The following GFM1 variants were observed in gnomAD, a reference collection of about 807,000 sequenced individuals.
GFM1 encodes the protein G elongation factor mitochondrial 1, also known as elongation factor G, mitochondrial.
A neutral mutation model predicts 96.2 loss-of-function variants in GFM1; 62 were observed. The ratio of observed to expected loss-of-function variants is 0.64; its 90% confidence interval spans 0.53 to 0.80. The LOEUF (loss-of-function observed/expected upper bound fraction) is 0.80. Among genes scored for constraint, GFM1 ranks in the 30% least tolerant of loss-of-function variants. The pLI is 0.00. For missense variants in GFM1, 852 were observed against 916.6 expected, an observed-to-expected ratio of 0.93 and a Z score of 0.91; for synonymous variants, 282 against 312.9, an observed-to-expected ratio of 0.90 and a Z score of 1.04.
intron 10 of GFM1, among the ~76,000 whole-genome samples, chr3:158,661,683 A>C (rs1723209958): frequency 6.6e-6 from 1 of 152,182 alleles, no homozygotes; most frequent in Non-Finnish European, 1.5e-5. Context: ...TGTTTATGAG[A>C]GTGATCTCTT....
At chr3:158,670,899 C>T in intron 13 of GFM1, 15 of 1,419,222 alleles carry the variant, frequency 1.1e-5, no homozygotes, top group Non-Finnish European at 1.4e-5. Context: ...TGCCACTGCA[C>T]TTCAGCCTGG....
intron 5 of GFM1, chr3:158,650,270 T>C (rs1227011494): frequency 1.7e-6 from 1 of 572,428 alleles, no homozygotes; most frequent in Non-Finnish European, 3.1e-6. Context: ...TTTTCCTACT[T>C]TATTCACTGC....
intron 15 of GFM1, among the ~76,000 whole-genome samples, chr3:158,689,660 C>T (rs141516082): frequency 2.5e-3 from 379 of 150,512 alleles, no homozygotes; most frequent in Admixed American, 5.3e-3. Flanking sequence ...CCCAGCTACT[C>T]GGAGGCTGAG....
rs879213259 is a variant in GFM1, at chr3:158,646,371, A to G, written c.367+74A>G. ...TTGGTTCTTTCTCTTACTGTGACCC[A>G]ATTAGTTTTTGATTGTCAAATACTC... is the stretch of plus-strand genomic sequence containing the variant. On this transcript the variant is annotated intron_variant, in intron 3 of 17. Transcript: ENST00000486715. 2.6e-5 allele frequency: 39 copies of G among 1,514,554 alleles called. 2 individuals carry two copies. Among genetic ancestry groups the G allele is most frequent in the South Asian group, 2.1e-4 (18 of 87,734 alleles). 93.8% of individuals were successfully genotyped at this position (1,514,554 alleles called of 1,614,324 possible).
chr3:158,676,881 G>A (rs1305948464), intron 13 of GFM1, among the ~76,000 whole-genome samples: 1 of 151,894 alleles, frequency 6.6e-6, no homozygotes, highest in African/African-American at 2.4e-5. Flanking sequence ...TGTATTTTTA[G>A]TAGAGACAGG....
In GFM1 at chr3:158,646,869, A is replaced by T. The variant is rs764479679; in HGVS notation, c.494A>T (p.Tyr165Phe). The stretch of plus-strand genomic sequence containing the variant: ...ACTGTCAATCGTCAGATGAAGCGCT[A>T]CAACGTTCCGTTTCTAACTTTTATT... Reference protein sequence around the residue: ...TMTVNRQMKRYNVPFLTFINK... With the variant: ...TMTVNRQMKRFNVPFLTFINK... Residue 165 changes from tyrosine to phenylalanine, a missense_variant, in exon 4 of 18, where the codon TAC becomes TTC. Physicochemically the swap from Tyr to Phe is conservative, Grantham distance 22. Coordinates refer to ENST00000486715, the MANE Select transcript of GFM1 (RefSeq NM_024996.7). 5 of 1,614,030 alleles carry T rather than the reference A, an allele frequency of 3.1e-6. No homozygotes were observed. The highest frequency in any genetic ancestry group is 4.2e-6 in the Non-Finnish European group (5 of 1,180,026).
intron 3 of GFM1, 78 bp downstream of exon 3, chr3:158,646,375 A>G: frequency 6.8e-7 from 1 of 1,464,184 alleles, no homozygotes; most frequent in Non-Finnish European, 9.5e-7. Flanking sequence ...TGACCCAATT[A>G]GTTTTTGATT....
Position 158,664,443 on chromosome 3 carries a change from C to A in GFM1, c.1381-894C>A, listed in dbSNP as rs959556133. 3.9e-5 allele frequency among the ~76,000 whole-genome samples: 6 copies of A among 152,310 alleles called. No homozygotes were observed. The South Asian group carries it at 6.2e-4, about 16-fold the overall frequency. On this transcript the variant is annotated intron_variant, in intron 11 of 17. Coordinates refer to ENST00000486715, the MANE Select transcript of GFM1 (RefSeq NM_024996.7). ...CTTGTGGTTGTAGGATGGGGGTTCC[C>A]CATTTCTTTGAAGACTGTTACCTGA...
chr3:158,659,623 T>G (rs1723033024), intron 9 of GFM1, among the ~76,000 whole-genome samples: 1 of 152,144 alleles, frequency 6.6e-6, no homozygotes, highest in Admixed American at 6.5e-5. Flanking sequence ...ACGCCTTGAA[T>G]TCTTGAGCTG....
chr3:158,672,294 G>A, intron 13 of GFM1: 1 of 1,601,798 alleles, frequency 6.2e-7, no homozygotes, highest in Non-Finnish European at 8.5e-7. Flanking sequence ...CCGCGGGTGA[G>A]TGGAGGGAGC....
chr3:158,670,917 A>G lies in GFM1; in HGVS notation c.1601+4531A>G, dbSNP rs141445217. 1,079 of 1,477,398 alleles carry G rather than the reference A, an allele frequency of 7.3e-4. 12 individuals carry two copies. In the African/African-American group the frequency reaches 0.013, roughly 18 times the overall value. The allele number at this position is 1,477,398 out of a possible 1,614,324, so 91.5% of individuals were successfully genotyped here. A position where few individuals can be genotyped will look rare whatever the true frequency, so the allele number is the denominator to read the frequency against. On this transcript the variant is annotated intron_variant, in intron 13 of 17. Transcript: ENST00000486715. Reference sequence around the variant, plus strand: ...CACTGCACTTCAGCCTGGGTGATAGAGTGAGACCCTGTCTCAAAGAAAAAA... The same window carrying G: ...CACTGCACTTCAGCCTGGGTGATAGGGTGAGACCCTGTCTCAAAGAAAAAA...
rs1725427734 is a variant in GFM1 at position 158,682,046 on chromosome 3, A to G, written c.1653A>G (p.Lys551=). 1 of 1,613,616 alleles carries G rather than the reference A, an allele frequency of 6.2e-7. No individual in the cohort carries two copies. Among genetic ancestry groups the G allele is most frequent in the African/African-American group, 1.3e-5 (1 of 74,916 alleles). Residue 551 remains lysine, a synonymous_variant, in exon 14 of 18, where the codon AAA becomes AAG. Transcript: ENST00000486715. ...KQSGGAGQYG[K]VIGVLEPLDP... ...CAGGTGGTGCAGGCCAGTATGGAAA[A>G]GTAATAGGTGTCCTGGAGCCTCTGG...
Position 158,646,291 on chromosome 3 carries a change from ACTCC to A in GFM1, c.362_365del (p.Thr121MetfsTer8), listed in dbSNP as rs1721797018. 6.8e-6 allele frequency: 11 copies of A among 1,613,792 alleles called. No homozygotes were observed. The highest frequency in any genetic ancestry group is 1.3e-5 in the African/African-American group (1 of 74,832). ...AGATGTCAATATTAACATTATAGAT[ACTCC>A]TGGTGAGTTGGATTCTTGGTTTTAT... On this transcript the variant is annotated frameshift_variant and splice_region_variant, in exon 3 of 18. Transcript: ENST00000486715. LOFTEE classifies it high-confidence loss of function.
At chr3:158,684,378 A>G in intron 14 of GFM1, 146 bp from the exon 15 acceptor site, 1 of 766,980 alleles carries the variant, frequency 1.3e-6, no homozygotes, top group Non-Finnish European at 2.1e-6. Flanking sequence ...TAAAGTTGTT[A>G]AACATTTTTA....
chr3:158,660,842 C>A, intron 9 of GFM1, 32 bp from the exon 10 acceptor site: 1 of 1,558,394 alleles, frequency 6.4e-7, no homozygotes, highest in Non-Finnish European at 8.9e-7. Flanking sequence ...GTATTACTTG[C>A]AAATATAATT....
intron 13 of GFM1, among the ~76,000 whole-genome samples, chr3:158,678,434 A>G (rs181597887): frequency 1.2e-4 from 19 of 152,342 alleles, no homozygotes; most frequent in Middle Eastern, 3.4e-3. Flanking sequence ...GGAGGTCAAA[A>G]TAACATTACC....
In GFM1 at chr3:158,695,112, G is replaced by A. The variant is rs576377123; in HGVS notation, c.*3645G>A. ...TCTGAGGCCGGATGTGGTGGCTCAC[G>A]CCTGTAATTCCAGCACTTTGGGAGG... On this transcript the variant is annotated 3_prime_UTR_variant, in exon 18 of 18. Coordinates refer to ENST00000486715, the MANE Select transcript of GFM1 (RefSeq NM_024996.7). Among the ~76,000 whole-genome samples the A allele has an allele frequency of 8.5e-5, 13 of 152,324 alleles. 1 individual carries two copies. In the South Asian group the frequency reaches 2.7e-3, roughly 32 times the overall value.
At chr3:158,674,590 T>C (rs2108076791) in intron 13 of GFM1, among the ~76,000 whole-genome samples, 1 of 152,306 alleles carries the variant, frequency 6.6e-6, no homozygotes, top group Non-Finnish European at 1.5e-5. Context: ...AATAAGACTT[T>C]CGGAGAACAG....
chr3:158,650,223 A>T, intron 5 of GFM1: 1 of 659,386 alleles, frequency 1.5e-6, no homozygotes, highest in Non-Finnish European at 2.7e-6. Context: ...ACTCCTTAGG[A>T]TATAAGGCCC....
Sources: gnomAD v4.1 joint callset for allele counts (sites outside exome capture counted in the v4.1 genomes callset) on GRCh38, gnomAD v4.1.1 for gene constraint, MANE v1.5 for transcripts, NCBI Gene and HGNC (gene_info 2026-07-23, HGNC 2026-07-21) for gene names.